Variants in TASP1 observed in about 807,000 individuals in gnomAD.
TASP1 encodes threonine aspartase 1.
TASP1 carries 16 observed loss-of-function variants against 56.6 expected under a neutral mutation model. The ratio of observed to expected loss-of-function variants is 0.28; its 90% CI spans 0.19 to 0.43. TASP1 has a LOEUF of 0.43. Among genes scored for constraint, TASP1 ranks in the 20% least tolerant of loss-of-function variants. TASP1 has a pLI of 1.00. For synonymous variants in TASP1, 179 were observed against 184.2 expected, an observed-to-expected ratio of 0.97 and a Z score of 0.23; for missense variants, 393 against 511.6, an observed-to-expected ratio of 0.77 and a Z score of 2.24.
At chr20:13,420,196 T>C (rs2042387564) in intron 12 of TASP1, among the ~76,000 whole-genome samples, 1 of 152,206 alleles carries the variant, frequency 6.6e-6, no homozygotes, top group Admixed American at 6.5e-5. Flanking sequence ...ATTTTTTAAA[T>C]ATCATTTTAA....
intron 12 of TASP1, among the ~76,000 whole-genome samples, chr20:13,421,108 C>CTTT (rs34805037): frequency 8.1e-6 from 1 of 123,418 alleles, no homozygotes; most frequent in Non-Finnish European, 1.7e-5. Context: ...CGTTTTCCTT[C>CTTT]TTTTTTTTTT....
intron 7 of TASP1, among the ~76,000 whole-genome samples, chr20:13,562,281 G>C (rs1265710762): frequency 6.6e-6 from 1 of 151,998 alleles, no homozygotes; most frequent in African/African-American, 2.4e-5. Flanking sequence ...AAAATTTTAT[G>C]GCTATAAACA....
chr20:13,506,724 A>T (rs1181350186), intron 10 of TASP1, among the ~76,000 whole-genome samples: 1 of 152,092 alleles, frequency 6.6e-6, no homozygotes, highest in African/African-American at 2.4e-5. Context: ...ACTCTCAACA[A>T]ATTAGGTACA....
At chr20:13,433,520 CAAAA>C (rs74746255) in intron 12 of TASP1, among the ~76,000 whole-genome samples, 10 of 89,192 alleles carry the variant, frequency 1.1e-4, no homozygotes, top group African/African-American at 3.8e-4. Context: ...GACAGTATGG[CAAAA>C]AAAAAAAAAA....
At chr20:13,431,167 AG>A (rs1667521433) in intron 12 of TASP1, among the ~76,000 whole-genome samples, 1 of 152,020 alleles carries the variant, frequency 6.6e-6, no homozygotes, top group South Asian at 2.1e-4. Context: ...TTGGATGTGT[AG>A]AAAAGAAAGA....
the TASP1 span, among the ~76,000 whole-genome samples, chr20:13,173,083 A>C: frequency 3.4e-3 from 514 of 152,284 alleles, 14 homozygotes; most frequent in Non-Finnish European, 4.3e-4. Context: ...GGGGAAAAGA[A>C]AAAGTGATCA....
the TASP1 span, among the ~76,000 whole-genome samples, chr20:13,151,670 G>A: frequency 6.6e-6 from 1 of 152,222 alleles, no homozygotes; most frequent in Non-Finnish European, 1.5e-5. Flanking sequence ...ACACAATTAA[G>A]GTGTCACAGA....
chr20:13,286,669 C>T, the TASP1 span, among the ~76,000 whole-genome samples: 2 of 152,336 alleles, frequency 1.3e-5, no homozygotes, highest in East Asian at 3.9e-4. Flanking sequence ...CACCACCCCG[C>T]TCCTCCAATT....
At chr20:13,443,207 C>G (rs1380941579) in intron 11 of TASP1, among the ~76,000 whole-genome samples, 1 of 152,138 alleles carries the variant, frequency 6.6e-6, no homozygotes, top group Non-Finnish European at 1.5e-5. Flanking sequence ...GCTCAACTGA[C>G]TAGATGGTGG....
chr20:13,553,499 T>A (rs1282988476), intron 8 of TASP1, among the ~76,000 whole-genome samples: 2 of 152,184 alleles, frequency 1.3e-5, no homozygotes, highest in Non-Finnish European at 1.5e-5. Context: ...AATATAATAC[T>A]ACAGCTAAAT....
chr20:13,423,121 GC>G (rs1448447626), intron 12 of TASP1, among the ~76,000 whole-genome samples: 1 of 152,052 alleles, frequency 6.6e-6, no homozygotes, highest in East Asian at 1.9e-4. Context: ...CCAATTAATT[GC>G]CTATTGGACA....
At chr20:13,265,684 T>C in the TASP1 span, among the ~76,000 whole-genome samples, 2 of 152,200 alleles carry the variant, frequency 1.3e-5, no homozygotes, top group Non-Finnish European at 2.9e-5. Flanking sequence ...AGTATTTGGT[T>C]GGTGCAAAAG....
chr20:13,149,157 AT>A, the TASP1 span, among the ~76,000 whole-genome samples: 1 of 152,208 alleles, frequency 6.6e-6, no homozygotes, highest in East Asian at 1.9e-4. Context: ...ATAAGAGATT[AT>A]TTCATTCACT....
the TASP1 span, among the ~76,000 whole-genome samples, chr20:13,191,254 A>G: frequency 6.6e-6 from 1 of 152,224 alleles, no homozygotes; most frequent in Non-Finnish European, 1.5e-5. Flanking sequence ...GATCCAAAGG[A>G]AAGGAAATCA....
chr20:13,111,148 C>T, the TASP1 span, among the ~76,000 whole-genome samples: 48 of 152,252 alleles, frequency 3.2e-4, no homozygotes, highest in African/African-American at 1.2e-3. Context: ...ACATTTTTAA[C>T]TCCAGTACTT....
At chr20:13,117,388 T>A in the TASP1 span, 1 of 1,000,842 alleles carries the variant, frequency 1.0e-6, no homozygotes, top group Admixed American at 2.7e-5. Flanking sequence ...AAACATGCCT[T>A]CAGAACAAAG....
chr20:13,511,928 C>T (rs2044345539), intron 10 of TASP1, among the ~76,000 whole-genome samples: 1 of 152,024 alleles, frequency 6.6e-6, no homozygotes, highest in South Asian at 2.1e-4. Context: ...CTACAAAGGA[C>T]ATGAACTCAT....
the TASP1 span, among the ~76,000 whole-genome samples, chr20:13,264,499 T>A: frequency 6.6e-6 from 1 of 152,294 alleles, no homozygotes; most frequent in African/African-American, 2.4e-5. Context: ...CTTCCTCCTA[T>A]TGTAGTGCTC....
the TASP1 span, among the ~76,000 whole-genome samples, chr20:13,225,054 C>A: frequency 2.0e-5 from 3 of 150,902 alleles, no homozygotes; most frequent in African/African-American, 7.3e-5. Context: ...GGGGTTTCAC[C>A]GTGTTAGCCA....
Sources: allele counts gnomAD v4.1 joint callset (sites outside exome capture counted in the v4.1 genomes callset), GRCh38; gene constraint gnomAD v4.1.1; transcripts MANE v1.5; gene names NCBI Gene and HGNC (gene_info 2026-07-23, HGNC 2026-07-21).